Variants in CEP63 observed in about 807,000 individuals in gnomAD.
The protein encoded by CEP63 is centrosomal protein of 63 kDa.
Under a neutral mutation model 89.1 loss-of-function variants are expected in CEP63, and 84 were observed. That is an observed-to-expected ratio of 0.94 (90% CI 0.79 to 1.13). CEP63 has a LOEUF of 1.13. CEP63 is among the 50% of genes most tolerant of loss of function. CEP63 has a pLI of 0.00. For synonymous variants in CEP63, 267 were observed against 272.5 expected (o/e 0.98, Z 0.20); for missense variants, 838 against 813.3 (o/e 1.03, Z -0.37).
the CEP63 span, among the ~76,000 whole-genome samples, chr3:134,774,593 T>C: frequency 7.2e-5 from 11 of 152,300 alleles, no homozygotes; most frequent in South Asian, 1.9e-3. Context: ...TTTGAAGATA[T>C]ATGTATCTCA....
At chr3:134,523,651 T>C (rs897103309) in intron 3 of CEP63, among the ~76,000 whole-genome samples, 3 of 152,146 alleles carry the variant, frequency 2.0e-5, no homozygotes, top group Non-Finnish European at 4.4e-5. Flanking sequence ...AGGGAGTCCT[T>C]TCCTTATTGC....
At chr3:134,675,206 G>C in the CEP63 span, among the ~76,000 whole-genome samples, 3 of 152,168 alleles carry the variant, frequency 2.0e-5, no homozygotes, top group Non-Finnish European at 2.9e-5. Context: ...AAATGGAATA[G>C]AATCAAGAGT....
At chr3:134,602,487 G>A in the CEP63 span, among the ~76,000 whole-genome samples, 13 of 152,272 alleles carry the variant, frequency 8.5e-5, no homozygotes, top group African/African-American at 2.9e-4. Flanking sequence ...AGCTGCTCTC[G>A]TGCAGCTGGA....
At chr3:134,663,206 C>A in the CEP63 span, among the ~76,000 whole-genome samples, 1 of 152,174 alleles carries the variant, frequency 6.6e-6, no homozygotes, top group Non-Finnish European at 1.5e-5. Context: ...CTTTCTAGGT[C>A]CACCCCGTGC....
At chr3:134,696,753 T>C in the CEP63 span, among the ~76,000 whole-genome samples, 1 of 152,226 alleles carries the variant, frequency 6.6e-6, no homozygotes, top group Non-Finnish European at 1.5e-5. Flanking sequence ...TTCAAACATG[T>C]ATATTGCTTT....
At chr3:134,700,345 T>G in the CEP63 span, among the ~76,000 whole-genome samples, 1 of 152,318 alleles carries the variant, frequency 6.6e-6, no homozygotes, top group South Asian at 2.1e-4. Flanking sequence ...CAATCTATTC[T>G]TCACACAGCA....
the CEP63 span, among the ~76,000 whole-genome samples, chr3:134,777,065 A>G: frequency 2.6e-5 from 4 of 152,378 alleles, no homozygotes; most frequent in South Asian, 6.2e-4. Context: ...GGAAGATTTC[A>G]AAAGGAAAGA....
At chr3:134,527,891 TTAGAGC>T (rs1332955624) in intron 3 of CEP63, among the ~76,000 whole-genome samples, 4 of 152,158 alleles carry the variant, frequency 2.6e-5, no homozygotes, top group African/African-American at 9.7e-5. Context: ...AACAGTTGCC[TTAGAGC>T]TAAAGTCTCC....
Position 134,486,117 on chromosome 3 carries a change from T to G in CEP63, c.-111T>G. 3.0e-6 allele frequency: 3 copies of G among 985,424 alleles called. No homozygotes were observed. The highest frequency in any genetic ancestry group is 3.6e-6 in the Non-Finnish European group (3 of 830,012). 61.0% of individuals were successfully genotyped at this position (985,424 alleles called of 1,614,324 possible). ...GGCATTGTTTCAATTATTAAAAGTG[T>G]GGGGGCAGTGGGCGGAACAAACGCG... On this transcript the variant is annotated 5_prime_UTR_variant, in exon 1 of 15. Coordinates refer to ENST00000675561, the MANE Select transcript of CEP63 (RefSeq NM_001353108.3).
the CEP63 span, among the ~76,000 whole-genome samples, chr3:134,640,715 C>G: frequency 6.6e-6 from 1 of 152,188 alleles, no homozygotes; most frequent in Non-Finnish European, 1.5e-5. Context: ...ATTCATGTTT[C>G]TTTCCCAACC....
the CEP63 span, among the ~76,000 whole-genome samples, chr3:134,738,564 G>C: frequency 5.3e-5 from 8 of 152,076 alleles, no homozygotes; most frequent in Non-Finnish European, 1.2e-4. Flanking sequence ...TGGGAGTTAA[G>C]CTATGAGGAC....
At chr3:134,597,655 A>T in the CEP63 span, 5 of 152,202 alleles carry the variant, frequency 3.3e-5, no homozygotes, top group African/African-American at 1.2e-4. Context: ...GGGCCTGGCC[A>T]TTTCTGTACA....
At chr3:134,699,727 A>G in the CEP63 span, among the ~76,000 whole-genome samples, 1 of 152,164 alleles carries the variant, frequency 6.6e-6, no homozygotes, top group African/African-American at 2.4e-5. Context: ...CATAATTTCA[A>G]GCTTTCAAGG....
chr3:134,535,384 C>T (rs552909667), intron 5 of CEP63: 1 of 152,306 alleles, frequency 6.6e-6, no homozygotes, highest in African/African-American at 2.4e-5. Context: ...TCCTTAACCA[C>T]TTTCTTGACT....
chr3:134,652,411 G>C, the CEP63 span, among the ~76,000 whole-genome samples: 2 of 151,966 alleles, frequency 1.3e-5, no homozygotes, highest in African/African-American at 4.8e-5. Context: ...GTTTGGTTCC[G>C]TGTAAAGGCT....
At chr3:134,560,893 C>G (rs1233726762) in intron 14 of CEP63, among the ~76,000 whole-genome samples, 2 of 152,142 alleles carry the variant, frequency 1.3e-5, no homozygotes, top group Non-Finnish European at 2.9e-5. Flanking sequence ...TGTTACCTTT[C>G]TAAAATCAGA....
rs1005780375 is a variant in CEP63, at chr3:134,493,035, T to C, written c.-25-2261T>C. 2.0e-4 allele frequency among the ~76,000 whole-genome samples: 30 copies of C among 152,162 alleles called. 1 individual carries two copies. Among genetic ancestry groups the C allele is most frequent in the Non-Finnish European group, 4.0e-4 (27 of 68,028 alleles). Reference sequence around the variant, plus strand: ...TTATTAAATAGTCATAGAAAATATATTAATGTATATTACTAAATATATTAA... The same window carrying C: ...TTATTAAATAGTCATAGAAAATATACTAATGTATATTACTAAATATATTAA... On this transcript the variant is annotated intron_variant, in intron 1 of 14. Transcript: ENST00000675561.
chr3:134,716,989 A>C, the CEP63 span, among the ~76,000 whole-genome samples: 1 of 152,206 alleles, frequency 6.6e-6, no homozygotes, highest in African/African-American at 2.4e-5. Context: ...CTGGCTGCCA[A>C]ATCTGTGCCA....
the CEP63 span, among the ~76,000 whole-genome samples, chr3:134,658,974 T>G: frequency 6.6e-6 from 1 of 152,252 alleles, no homozygotes; most frequent in Non-Finnish European, 1.5e-5. Context: ...GACACCTTAA[T>G]TGATTTTCCA....
Sources: gnomAD v4.1 joint callset for allele counts (sites outside exome capture counted in the v4.1 genomes callset) on GRCh38, gnomAD v4.1.1 for gene constraint, MANE v1.5 for transcripts, NCBI Gene and HGNC (gene_info 2026-07-23, HGNC 2026-07-21) for gene names.